NRXN1: variants seen among roughly 807,000 people sequenced by gnomAD.
The protein encoded by NRXN1 is neurexin 1.
Under a neutral mutation model 150.9 loss-of-function variants are expected in NRXN1, and 39 were observed. The ratio of observed to expected loss-of-function variants is 0.26; its 90% CI spans 0.20 to 0.34. The LOEUF is 0.34. Among genes scored for constraint, NRXN1 ranks in the 10% least tolerant of loss-of-function variants. The pLI is 1.00. For synonymous variants in NRXN1, 924 were observed against 757.0 expected (o/e 1.22, Z -3.62); for missense variants, 1,815 against 1,949.9 (o/e 0.93, Z 1.30).
chr2:50,404,063 T>C (rs921339668), intron 17 of NRXN1, among the ~76,000 whole-genome samples: 8 of 152,080 alleles, frequency 5.3e-5, no homozygotes, highest in East Asian at 3.9e-4. Flanking sequence ...AAATTCATTC[T>C]TTTTCACTTA....
At chr2:50,640,803 G>T (rs770302366) in intron 5 of NRXN1, among the ~76,000 whole-genome samples, 2 of 152,050 alleles carry the variant, frequency 1.3e-5, no homozygotes, top group Non-Finnish European at 2.9e-5. Context: ...ATTTATGATC[G>T]TAGCCTATCT....
At chr2:50,561,804 TAGAA>T (rs34001910) in intron 8 of NRXN1, among the ~76,000 whole-genome samples, 46,418 of 151,792 alleles carry the variant, frequency 0.31, 7,452 homozygotes, top group East Asian at 0.51. Context: ...TGATAGCATT[TAGAA>T]AGACACTGAA....
intron 17 of NRXN1, among the ~76,000 whole-genome samples, chr2:50,271,725 G>C: frequency 6.6e-6 from 1 of 152,064 alleles, no homozygotes; most frequent in Non-Finnish European, 1.5e-5. Context: ...TAATTTATTA[G>C]ATTATATACA....
chr2:50,880,550 T>G (rs1335434373), intron 5 of NRXN1, among the ~76,000 whole-genome samples: 1 of 151,980 alleles, frequency 6.6e-6, no homozygotes, highest in Non-Finnish European at 1.5e-5. Context: ...TAATCAGTCA[T>G]TTTTAAAAGA....
rs1407917894 is a variant in NRXN1 at position 49,921,454 on chromosome 2, C to T, written c.*490G>A. The T allele has an allele frequency of 6.5e-6, 1 of 153,270 alleles. No homozygotes were observed. The highest frequency in any genetic ancestry group is 2.4e-5 in the African/African-American group (1 of 41,448). The allele number at this position is 153,270 out of a possible 1,614,324, so 9.5% of individuals were successfully genotyped here. A position where few individuals can be genotyped will look rare whatever the true frequency, so the allele number is the denominator to read the frequency against. On this transcript the variant is annotated 3_prime_UTR_variant, in exon 23 of 23. Transcript: ENST00000401669. ...CCACTGCTCCAGTTGCACCAGGCGG[C>T]AAACTCTTAAAGGTTTGCAGGTTGA...
At chr2:49,971,905 A>G (rs1678021654) in intron 21 of NRXN1, among the ~76,000 whole-genome samples, 1 of 152,156 alleles carries the variant, frequency 6.6e-6, no homozygotes, top group Admixed American at 6.6e-5. Context: ...CAAGTTTCAA[A>G]AGTTAAGTCA....
intron 17 of NRXN1, chr2:50,417,049 A>C (rs2104190041): frequency 6.6e-6 from 1 of 152,292 alleles, no homozygotes; most frequent in South Asian, 2.1e-4. Flanking sequence ...CAGTTACATA[A>C]AAAATGAAGA....
chr2:50,491,225 A>G (rs2091234328), intron 15 of NRXN1, among the ~76,000 whole-genome samples: 2 of 152,238 alleles, frequency 1.3e-5, no homozygotes, highest in South Asian at 4.1e-4. Context: ...TGACAGCAGT[A>G]AAGATTTGTC....
At chr2:50,113,983 T>A (rs1203733320) in intron 18 of NRXN1, among the ~76,000 whole-genome samples, 5 of 152,108 alleles carry the variant, frequency 3.3e-5, no homozygotes, top group African/African-American at 1.2e-4. Flanking sequence ...GTTTGGAAGG[T>A]AAGATCTATA....
intron 17 of NRXN1, among the ~76,000 whole-genome samples, chr2:50,420,189 A>G (rs751049439): frequency 1.3e-5 from 2 of 152,050 alleles, no homozygotes; most frequent in Non-Finnish European, 2.9e-5. Context: ...GAAAAGTAAA[A>G]CATACAAAGG....
chr2:50,022,968 G>A (rs1037430852), intron 21 of NRXN1: 3 of 152,144 alleles, frequency 2.0e-5, no homozygotes, highest in African/African-American at 7.2e-5. Context: ...CCCAATTGTT[G>A]CTGAAATTAA....
intron 17 of NRXN1, among the ~76,000 whole-genome samples, chr2:50,349,834 C>T (rs1404166993): frequency 5.3e-5 from 8 of 152,176 alleles, no homozygotes; most frequent in East Asian, 1.9e-4. Flanking sequence ...CTAAAAGATA[C>T]GTAGAACATT....
rs563437833 is a variant in NRXN1, at chr2:50,558,950, C to T, written c.1321-5925G>A. ...ACAGAAAATTAGCCGGGTGTGGTGG[C>T]GGGCACCTGTAGTCCCAGCTACTTG... On this transcript the variant is annotated intron_variant, in intron 8 of 22. Transcript: ENST00000401669. Among the ~76,000 whole-genome samples, 13 of 152,092 alleles carry T rather than the reference C, an allele frequency of 8.5e-5. 1 individual carries two copies. In the East Asian group the frequency reaches 1.2e-3, roughly 14 times the overall value.
chr2:50,368,033 G>A (rs948366786), intron 17 of NRXN1, among the ~76,000 whole-genome samples: 1 of 152,102 alleles, frequency 6.6e-6, no homozygotes, highest in Non-Finnish European at 1.5e-5. Flanking sequence ...GAAAACCACT[G>A]TGGCATAAGA....
chr2:50,917,009 T>C (rs951796956), intron 5 of NRXN1: 1 of 151,716 alleles, frequency 6.6e-6, no homozygotes, highest in Admixed American at 6.6e-5. Flanking sequence ...TAGCCTTCTA[T>C]GTGTACTGTA....
intron 8 of NRXN1, among the ~76,000 whole-genome samples, chr2:50,556,639 G>A (rs140218166): frequency 1.2e-3 from 176 of 152,050 alleles, no homozygotes; most frequent in African/African-American, 3.9e-3. Flanking sequence ...AGAATAGGGC[G>A]TAATATGTTT....
At chr2:50,725,239 G>A (rs1266726021) in intron 5 of NRXN1, among the ~76,000 whole-genome samples, 1 of 151,176 alleles carries the variant, frequency 6.6e-6, no homozygotes, top group Admixed American at 6.6e-5. Context: ...TGTGTTGGTT[G>A]GTATTATCAA....
intron 17 of NRXN1, among the ~76,000 whole-genome samples, chr2:50,271,163 G>C (rs1244517311): frequency 6.6e-6 from 1 of 152,094 alleles, no homozygotes; most frequent in Non-Finnish European, 1.5e-5. Flanking sequence ...ACACAAAAAT[G>C]CAGTATTTCA....
intron 17 of NRXN1, among the ~76,000 whole-genome samples, chr2:50,239,292 T>A (rs1018041829): frequency 6.6e-6 from 1 of 151,650 alleles, no homozygotes; most frequent in African/African-American, 2.4e-5. Context: ...AATAATTAAT[T>A]TTTTTCCTTT....
Sources: gnomAD v4.1 joint callset for allele counts (sites outside exome capture counted in the v4.1 genomes callset) on GRCh38, gnomAD v4.1.1 for gene constraint, MANE v1.5 for transcripts, NCBI Gene and HGNC (gene_info 2026-07-23, HGNC 2026-07-21) for gene names.